The following PTPRQ variants were observed in gnomAD, a reference collection of about 807,000 sequenced individuals.
PTPRQ encodes the protein protein tyrosine phosphatase receptor type Q.
In PTPRQ, 199 loss-of-function variants were observed where a neutral mutation model predicts 246.0. The ratio of observed to expected loss-of-function variants is 0.81; its 90% confidence interval spans 0.72 to 0.91. PTPRQ has a LOEUF of 0.91. Among genes scored for constraint, PTPRQ ranks in the 40% least tolerant of loss-of-function variants. The probability of loss-of-function intolerance (pLI) is 0.00; values close to 1 mark genes in which losing one functional copy is unlikely to be tolerated. For missense variants in PTPRQ, 2,624 were observed against 2,528.4 expected (o/e 1.04, Z -0.81); for synonymous variants, 869 against 853.2 (o/e 1.02, Z -0.32).
At chr12:80,537,494 A>C (rs759178445) in intron 19 of PTPRQ, among the ~76,000 whole-genome samples, 1 of 152,218 alleles carries the variant, frequency 6.6e-6, no homozygotes, top group Non-Finnish European at 1.5e-5. Flanking sequence ...TTTCATCTCC[A>C]AAAGTCTTCT....
At chr12:80,508,367 A>G (rs1895026406) in intron 16 of PTPRQ, among the ~76,000 whole-genome samples, 1 of 152,060 alleles carries the variant, frequency 6.6e-6, no homozygotes, top group Non-Finnish European at 1.5e-5. Context: ...TTACTGGTAT[A>G]AATGTTCCCC....
intron 9 of PTPRQ, among the ~76,000 whole-genome samples, chr12:80,488,776 A>T (rs970476095): frequency 1.3e-5 from 2 of 152,004 alleles, no homozygotes; most frequent in South Asian, 2.1e-4. Context: ...ATTTTTTTCC[A>T]GTGAATCCCA....
At chr12:80,471,969 C>A (rs544708436) in intron 7 of PTPRQ, 136 bp from the exon 8 acceptor site, 1 of 990,284 alleles carries the variant, frequency 1.0e-6, no homozygotes, top group African/African-American at 1.6e-5. Context: ...AAAATATATG[C>A]AGTTTTGATA....
chr12:80,465,900 T>C (rs2120513001), intron 6 of PTPRQ, among the ~76,000 whole-genome samples: 1 of 152,256 alleles, frequency 6.6e-6, no homozygotes, highest in South Asian at 2.1e-4. Flanking sequence ...GCCAATATCA[T>C]ACTGAATGGG....
intron 32 of PTPRQ, 124 bp downstream of exon 32, chr12:80,620,500 G>C: frequency 2.2e-6 from 3 of 1,335,626 alleles, no homozygotes; most frequent in Non-Finnish European, 3.0e-6. Flanking sequence ...ATAGTGACCT[G>C]ATTTTTCTGG....
intron 9 of PTPRQ, among the ~76,000 whole-genome samples, chr12:80,488,094 G>A (rs533437296): frequency 5.6e-5 from 8 of 142,608 alleles, no homozygotes; most frequent in African/African-American, 2.1e-4. Context: ...GTGCCTTACA[G>A]TTGTTTTTTT....
intron 8 of PTPRQ, among the ~76,000 whole-genome samples, chr12:80,483,998 T>TGTTG (rs1894181302): frequency 6.7e-6 from 1 of 149,692 alleles, no homozygotes; most frequent in Non-Finnish European, 1.5e-5. Context: ...TTTGTTTGTT[T>TGTTG]GTTTGTTTGT....
At chr12:80,652,998 A>G (rs1237688613) in intron 38 of PTPRQ, among the ~76,000 whole-genome samples, 164 bp downstream of exon 38, 1 of 152,100 alleles carries the variant, frequency 6.6e-6, no homozygotes, top group East Asian at 1.9e-4. Context: ...CTTTGTTCAT[A>G]TTTAACTAAA....
At chr12:80,484,309 G>C (rs1894195780) in intron 8 of PTPRQ, 124 bp from the exon 9 acceptor site, 33 of 1,231,862 alleles carry the variant, frequency 2.7e-5, no homozygotes, top group Non-Finnish European at 3.4e-5. Context: ...ACCTAGCCTA[G>C]TCTGTTTTCT....
intron 3 of PTPRQ, among the ~76,000 whole-genome samples, chr12:80,456,872 A>C (rs1267426510): frequency 6.6e-6 from 1 of 152,120 alleles, no homozygotes; most frequent in Non-Finnish European, 1.5e-5. Context: ...TATTATTCCC[A>C]TTTTAAAGAC....
intron 25 of PTPRQ, among the ~76,000 whole-genome samples, chr12:80,567,296 CTTGTT>C (rs1215113247): frequency 3.9e-5 from 6 of 152,032 alleles, no homozygotes; most frequent in African/African-American, 1.4e-4. Context: ...TAACCTGTGA[CTTGTT>C]TTGAGTATTA....
rs1241382630 is a variant in PTPRQ, at chr12:80,555,249, A to T, written c.4285+5515A>T. On this transcript the variant is annotated intron_variant, in intron 25 of 44. Coordinates refer to ENST00000644991, the MANE Select transcript of PTPRQ (RefSeq NM_001145026.2). ...TAATTTTTTATTTATTTTTGTAGAGATAGTCTCACTATGTTGCCCAGGCTG... is the reference window on the plus strand; with the variant it reads ...TAATTTTTTATTTATTTTTGTAGAGTTAGTCTCACTATGTTGCCCAGGCTG... Among the ~76,000 whole-genome samples the T allele has an allele frequency of 2.0e-5, 3 of 151,992 alleles. 1 individual carries two copies. Among genetic ancestry groups the T allele is most frequent in the Non-Finnish European group, 4.4e-5 (3 of 67,988 alleles).
chr12:80,532,478 C>A (rs1457853462), intron 17 of PTPRQ, among the ~76,000 whole-genome samples: 1 of 152,074 alleles, frequency 6.6e-6, no homozygotes, highest in Non-Finnish European at 1.5e-5. Flanking sequence ...GCCTTGGTCT[C>A]CCGAAGTGCC....
intron 3 of PTPRQ, among the ~76,000 whole-genome samples, chr12:80,452,504 C>T (rs1029614465): frequency 3.3e-5 from 5 of 152,166 alleles, no homozygotes; most frequent in South Asian, 4.2e-4. Context: ...TGGCTGGTAC[C>T]GGTTGTTCTT....
chr12:80,476,597 A>G (rs934400163), intron 8 of PTPRQ, among the ~76,000 whole-genome samples: 4 of 152,204 alleles, frequency 2.6e-5, no homozygotes, highest in Admixed American at 2.0e-4. Flanking sequence ...AAGCATAATT[A>G]TATTTGCTCA....
At position 80,536,249 on chromosome 12, in the gene PTPRQ, G is replaced by A. The variant is rs562113545; in HGVS notation, c.2985+1212G>A. Among the ~76,000 whole-genome samples, 16 of 152,326 alleles carry A rather than the reference G, an allele frequency of 1.1e-4. No homozygotes were observed. In the South Asian group the frequency reaches 3.3e-3, roughly 32 times the overall value. On this transcript the variant is annotated intron_variant, in intron 19 of 44. Transcript: ENST00000644991. Reference sequence around the variant, plus strand: ...TCCTTTTAAGTAAAAGAAGAAGAAAGATAAGTCTTACAAATTCTGAGTTAC... The same window carrying A: ...TCCTTTTAAGTAAAAGAAGAAGAAAAATAAGTCTTACAAATTCTGAGTTAC...
intron 8 of PTPRQ, among the ~76,000 whole-genome samples, chr12:80,478,979 C>G (rs1232330612): frequency 6.6e-6 from 1 of 151,898 alleles, no homozygotes; most frequent in East Asian, 1.9e-4. Flanking sequence ...AGAACTTCCC[C>G]AATCTAGCAA....
intron 25 of PTPRQ, among the ~76,000 whole-genome samples, chr12:80,575,462 A>T (rs1301188367): frequency 6.6e-6 from 1 of 152,142 alleles, no homozygotes; most frequent in East Asian, 1.9e-4. Flanking sequence ...GTGTGCCTGT[A>T]GTTCCACCTA....
intron 25 of PTPRQ, among the ~76,000 whole-genome samples, chr12:80,569,119 G>A (rs1347226607): frequency 6.9e-6 from 1 of 145,758 alleles, no homozygotes; most frequent in Non-Finnish European, 1.5e-5. Context: ...TATACATTTT[G>A]GATACAATTC....
Sources: gnomAD v4.1 joint callset for allele counts (sites outside exome capture counted in the v4.1 genomes callset) on GRCh38, gnomAD v4.1.1 for gene constraint, MANE v1.5 for transcripts, NCBI Gene and HGNC (gene_info 2026-07-23, HGNC 2026-07-21) for gene names.